WWP1: variants seen among roughly 807,000 people sequenced by gnomAD.
WWP1 encodes WW domain containing E3 ubiquitin protein ligase 1.
A neutral mutation model predicts 130.6 loss-of-function variants in WWP1; 49 were observed. The ratio of observed to expected loss-of-function variants is 0.38; its 90% confidence interval spans 0.30 to 0.48. The LOEUF (loss-of-function observed/expected upper bound fraction) is 0.48. WWP1 is among the 20% of genes least tolerant of loss of function. The pLI is 0.99. For synonymous variants in WWP1, 332 were observed against 367.8 expected, an observed-to-expected ratio of 0.90 and a Z score of 1.11; for missense variants, 809 against 1,100.6, an observed-to-expected ratio of 0.74 and a Z score of 3.75.
intron 4 of WWP1, 152 bp downstream of exon 4, chr8:86,381,016 T>G: frequency 1.2e-6 from 1 of 834,312 alleles, no homozygotes; most frequent in Non-Finnish European, 1.6e-6. Context: ...TTTGGTTAAA[T>G]TTTTTTTTTA....
In WWP1 at chr8:86,431,393, C is replaced by A; in HGVS notation, c.1388-13C>A. 1 of 1,560,880 alleles carries A rather than the reference C, an allele frequency of 6.4e-7. No homozygotes were observed. The highest frequency in any genetic ancestry group is 1.2e-5 in the South Asian group (1 of 83,942). On this transcript the variant is annotated splice_polypyrimidine_tract_variant and intron_variant, in intron 12 of 24. Coordinates refer to ENST00000517970, the MANE Select transcript of WWP1 (RefSeq NM_007013.4). Reference sequence around the variant, plus strand: ...AAATAGTTATTAAATATTATACTCACTTTATATTTCAGAAAAAAGAGTGGA... The same window carrying A: ...AAATAGTTATTAAATATTATACTCAATTTATATTTCAGAAAAAAGAGTGGA...
chr8:86,342,750 G>C lies in WWP1; in HGVS notation c.-295G>C, dbSNP rs1191713463. 2.7e-6 allele frequency: 1 copy of C among 363,672 alleles called. No homozygotes were observed. Among genetic ancestry groups the C allele is most frequent in the Admixed American group, 4.7e-5 (1 of 21,330 alleles). 22.5% of individuals were successfully genotyped at this position (363,672 alleles called of 1,614,324 possible). A position where few individuals can be genotyped will look rare whatever the true frequency, so the allele number is the denominator to read the frequency against. On this transcript the variant is annotated 5_prime_UTR_variant, in exon 1 of 25. Transcript: ENST00000517970. Reference sequence around the variant, plus strand: ...AGGGTCGGGTGTCGGCGAGCTCCGCGTGCGGGTTCCGAGTGGCTGCTGGCG... The same window carrying C: ...AGGGTCGGGTGTCGGCGAGCTCCGCCTGCGGGTTCCGAGTGGCTGCTGGCG...
At chr8:86,370,048 T>C (rs1188015849) in intron 2 of WWP1, among the ~76,000 whole-genome samples, 1 of 152,232 alleles carries the variant, frequency 6.6e-6, no homozygotes, top group Non-Finnish European at 1.5e-5. Flanking sequence ...AAAACCTCTC[T>C]GATTCCATAT....
chr8:86,453,082 C>A (rs1811259171), intron 21 of WWP1, among the ~76,000 whole-genome samples: 1 of 151,936 alleles, frequency 6.6e-6, no homozygotes, highest in African/African-American at 2.4e-5. Context: ...TTAAAATATA[C>A]CATCTTAACT....
At chr8:86,404,469 T>C (rs1272692948) in intron 8 of WWP1, among the ~76,000 whole-genome samples, 3 of 152,236 alleles carry the variant, frequency 2.0e-5, no homozygotes, top group Non-Finnish European at 4.4e-5. Flanking sequence ...TCTGATACTT[T>C]ATAGATTCTT....
At chr8:86,462,123 T>G (rs1811800429) in intron 24 of WWP1, among the ~76,000 whole-genome samples, 1 of 152,236 alleles carries the variant, frequency 6.6e-6, no homozygotes, top group African/African-American at 2.4e-5. Context: ...TTATGAAGTT[T>G]GTGCCCCATG....
intron 2 of WWP1, among the ~76,000 whole-genome samples, chr8:86,370,658 C>T (rs1345601566): frequency 6.6e-6 from 1 of 152,000 alleles, no homozygotes; most frequent in Non-Finnish European, 1.5e-5. Flanking sequence ...TCATGATAAC[C>T]ATCAAAATAA....
chr8:86,437,853 G>T (rs1206320977), intron 16 of WWP1, among the ~76,000 whole-genome samples: 1 of 152,166 alleles, frequency 6.6e-6, no homozygotes, highest in Non-Finnish European at 1.5e-5. Context: ...AGGCTGGAGT[G>T]CAGTGGCACG....
intron 2 of WWP1, among the ~76,000 whole-genome samples, chr8:86,372,017 A>AT (rs34458424): frequency 0.25 from 17,509 of 70,288 alleles, 2,691 homozygotes; most frequent in African/African-American, 0.27. Flanking sequence ...TAATTTTTGT[A>AT]TTTTTTTTTT....
At chr8:86,458,084 G>A in intron 22 of WWP1, 59 bp downstream of exon 22, 2 of 1,408,838 alleles carry the variant, frequency 1.4e-6, no homozygotes, top group Non-Finnish European at 2.0e-6. Flanking sequence ...ATGAAATGGT[G>A]GTTTTAAAAA....
At chr8:86,447,063 A>G (rs1421624676) in intron 18 of WWP1, among the ~76,000 whole-genome samples, 3 of 152,166 alleles carry the variant, frequency 2.0e-5, no homozygotes, top group Non-Finnish European at 4.4e-5. Context: ...TGGGAGAGTG[A>G]ATGCAGTAGG....
chr8:86,402,286 TTG>T, intron 8 of WWP1, 83 bp downstream of exon 8: 1 of 1,454,556 alleles, frequency 6.9e-7, no homozygotes, highest in Non-Finnish European at 9.2e-7. Flanking sequence ...ACTTCCCTTT[TTG>T]TGTAGTCTTT....
chr8:86,389,823 G>A (rs1288538371), intron 5 of WWP1, among the ~76,000 whole-genome samples: 6 of 149,168 alleles, frequency 4.0e-5, no homozygotes, highest in Admixed American at 1.3e-4. Flanking sequence ...GGCGGCTGGC[G>A]GGGTGGGGGC....
chr8:86,466,656 T>G (rs1250555267), intron 24 of WWP1, 138 bp from the exon 25 acceptor site: 1 of 454,206 alleles, frequency 2.2e-6, no homozygotes, highest in African/African-American at 2.0e-5. Context: ...TTTAGATTAC[T>G]CTAAATACTT....
intron 5 of WWP1, among the ~76,000 whole-genome samples, chr8:86,389,836 C>T (rs1306797155): frequency 6.6e-6 from 1 of 151,520 alleles, no homozygotes; most frequent in Non-Finnish European, 1.5e-5. Flanking sequence ...GTGGGGGCTG[C>T]CCCCCACCTC....
At chr8:86,370,846 A>C (rs555280379) in intron 2 of WWP1, among the ~76,000 whole-genome samples, 1 of 113,686 alleles carries the variant, frequency 8.8e-6, no homozygotes, top group Admixed American at 8.7e-5. Flanking sequence ...GCTTATAGCT[A>C]TATTCATTCT....
intron 21 of WWP1, among the ~76,000 whole-genome samples, chr8:86,457,616 C>T (rs1479409749): frequency 6.6e-6 from 1 of 151,944 alleles, no homozygotes; most frequent in Non-Finnish European, 1.5e-5. Flanking sequence ...TACACACACA[C>T]ACCATACCAT....
intron 3 of WWP1, among the ~76,000 whole-genome samples, chr8:86,377,263 T>C (rs1310031240): frequency 6.6e-6 from 1 of 151,468 alleles, no homozygotes; most frequent in Non-Finnish European, 1.5e-5. Context: ...TTTTTTTTTT[T>C]TTTTTTGTAT....
At chr8:86,453,994 A>T (rs749375342) in intron 21 of WWP1, among the ~76,000 whole-genome samples, 88 of 152,118 alleles carry the variant, frequency 5.8e-4, no homozygotes, top group Admixed American at 9.8e-4. Context: ...GAAAAACAGC[A>T]CTTCAGATTT....
Sources: gnomAD v4.1 joint callset for allele counts (sites outside exome capture counted in the v4.1 genomes callset) on GRCh38, gnomAD v4.1.1 for gene constraint, MANE v1.5 for transcripts, NCBI Gene and HGNC (gene_info 2026-07-23, HGNC 2026-07-21) for gene names.